MYT1L: variants seen among roughly 807,000 people sequenced by gnomAD.
The protein encoded by MYT1L is myelin transcription factor 1 like.
MYT1L carries 12 observed loss-of-function variants against 126.7 expected under a neutral mutation model. The ratio of observed to expected loss-of-function variants is 0.09; its 90% CI spans 0.06 to 0.15. The LOEUF is 0.15. Ranked by LOEUF, MYT1L falls within the 10% of genes least tolerant of loss-of-function variation. The pLI, the probability that MYT1L is intolerant of heterozygous loss-of-function variation, is 1.00. For missense variants in MYT1L, 979 were observed against 1,585.2 expected (o/e 0.62, Z 6.49); for synonymous variants, 541 against 604.2 (o/e 0.90, Z 1.53).
At chr2:2,232,098 A>G (rs1314596736) in intron 2 of MYT1L, among the ~76,000 whole-genome samples, 1 of 152,252 alleles carries the variant, frequency 6.6e-6, no homozygotes, top group East Asian at 1.9e-4. Context: ...CACAATGAGA[A>G]ATAGGCAAGA....
At chr2:1,876,900 C>T (rs2046980690) in intron 18 of MYT1L, among the ~76,000 whole-genome samples, 2 of 152,202 alleles carry the variant, frequency 1.3e-5, no homozygotes, top group African/African-American at 4.8e-5. Flanking sequence ...TCCGCCGTCT[C>T]CCCAAATGTC....
At chr2:1,898,245 G>C (rs971376589) in intron 14 of MYT1L, among the ~76,000 whole-genome samples, 31 of 152,164 alleles carry the variant, frequency 2.0e-4, no homozygotes, top group African/African-American at 7.0e-4. Flanking sequence ...GTCCATCATG[G>C]AGATGTCTCC....
chr2:1,890,765 A>G (rs1159298583), intron 15 of MYT1L, among the ~76,000 whole-genome samples: 5 of 152,202 alleles, frequency 3.3e-5, no homozygotes, highest in Non-Finnish European at 7.3e-5. Flanking sequence ...TCAAGGGTCT[A>G]GCAGCTCTCT....
Position 1,813,181 on chromosome 2 carries a change from G to C in MYT1L, c.3081-4014C>G, listed in dbSNP as rs75668294. Among the ~76,000 whole-genome samples, 21 of 152,336 alleles carry C rather than the reference G, an allele frequency of 1.4e-4. No individual in the cohort carries two copies. In the South Asian group the frequency reaches 2.5e-3, roughly 18 times the overall value. On this transcript the variant is annotated intron_variant, in intron 21 of 24. Coordinates refer to ENST00000647738, the MANE Select transcript of MYT1L (RefSeq NM_001303052.2). ...TTGAGGGGCCAGGAGCTGCAGGTGG[G>C]GGGGAGAGAGGGAGGGCCACAAAGG...
chr2:1,879,413 C>A (rs1310434128), intron 18 of MYT1L, among the ~76,000 whole-genome samples: 1 of 152,056 alleles, frequency 6.6e-6, no homozygotes, highest in Non-Finnish European at 1.5e-5. Context: ...TTCTTGCTGC[C>A]CAGAGTCAGA....
At chr2:2,053,871 C>G (rs1436490975) in intron 4 of MYT1L, 107 bp downstream of exon 4, 1 of 152,624 alleles carries the variant, frequency 6.6e-6, no homozygotes, top group African/African-American at 2.4e-5. Context: ...GCTTCATTCA[C>G]AAACCTATAT....
At chr2:1,859,309 C>G (rs1450182982) in intron 18 of MYT1L, among the ~76,000 whole-genome samples, 1 of 152,158 alleles carries the variant, frequency 6.6e-6, no homozygotes, top group Non-Finnish European at 1.5e-5. Context: ...TCTTTTGGTT[C>G]CCAGCACTTT....
At chr2:1,900,623 T>A (rs1434184904) in intron 14 of MYT1L, among the ~76,000 whole-genome samples, 5 of 152,308 alleles carry the variant, frequency 3.3e-5, no homozygotes, top group African/African-American at 1.2e-4. Context: ...ATCTGTCAGA[T>A]GAGTCTAGTG....
intron 1 of MYT1L, among the ~76,000 whole-genome samples, chr2:2,299,785 C>T (rs2095755455): frequency 6.6e-6 from 1 of 152,134 alleles, no homozygotes; most frequent in African/African-American, 2.4e-5. Flanking sequence ...GAGTTTTATC[C>T]AAAATGATTG....
Position 1,887,457 on chromosome 2 carries a change from G to T in MYT1L, c.2642+31C>A, listed in dbSNP as rs1386603737. On this transcript the variant is annotated intron_variant, in intron 17 of 24. Coordinates refer to ENST00000647738, the MANE Select transcript of MYT1L (RefSeq NM_001303052.2). This position sits in a 1 kb window ranked among gnomAD's most constrained non-coding sequence, Gnocchi z 4.8. Reference sequence around the variant, plus strand: ...AGCCAAAGAATGGGAAGATTAAGAAGATTCATAATTTCACCTCACAGCATG... The same window carrying T: ...AGCCAAAGAATGGGAAGATTAAGAATATTCATAATTTCACCTCACAGCATG... The T allele has an allele frequency of 6.2e-7, 1 of 1,613,480 alleles. No individual in the cohort carries two copies.
intron 1 of MYT1L, among the ~76,000 whole-genome samples, chr2:2,290,272 G>T (rs1309105995): frequency 6.6e-6 from 1 of 152,188 alleles, no homozygotes; most frequent in Admixed American, 6.5e-5. Flanking sequence ...GAGGGAGCTG[G>T]GGAAGGCCCA....
intron 2 of MYT1L, among the ~76,000 whole-genome samples, chr2:2,265,971 T>C (rs2149313122): frequency 6.6e-6 from 1 of 152,180 alleles, no homozygotes; most frequent in South Asian, 2.1e-4. Flanking sequence ...GGAGGTGGCT[T>C]AGCCTCCCAT....
intron 12 of MYT1L, 22 bp downstream of exon 12, chr2:1,911,998 C>T (rs1264267017): frequency 3.2e-6 from 5 of 1,562,072 alleles, no homozygotes; most frequent in Middle Eastern, 1.7e-4. Flanking sequence ...CCTCCCACAC[C>T]AGTGACCCAC....
At chr2:2,119,009 T>C (rs1418889639) in intron 3 of MYT1L, among the ~76,000 whole-genome samples, 1 of 152,262 alleles carries the variant, frequency 6.6e-6, no homozygotes, top group African/African-American at 2.4e-5. Context: ...CCATATTCAT[T>C]AGGTTAAATA....
At chr2:2,284,377 G>A (rs576233380) in intron 2 of MYT1L, 27 bp downstream of exon 2, 1 of 152,132 alleles carries the variant, frequency 6.6e-6, no homozygotes, top group African/African-American at 2.4e-5. Context: ...CTAATACAAC[G>A]GTAAGGTCCC....
chr2:2,245,619 G>A (rs1382858264), intron 2 of MYT1L, among the ~76,000 whole-genome samples: 1 of 151,742 alleles, frequency 6.6e-6, no homozygotes, highest in Non-Finnish European at 1.5e-5. Flanking sequence ...CAGGAATGGA[G>A]GCTCAAGGAG....
intron 4 of MYT1L, among the ~76,000 whole-genome samples, chr2:2,019,401 T>G (rs2064797036): frequency 6.6e-6 from 1 of 152,210 alleles, no homozygotes; most frequent in African/African-American, 2.4e-5. Flanking sequence ...TTAAACCTCT[T>G]TCCCTCATAA....
chr2:1,979,642 G>T lies in MYT1L; in HGVS notation c.55+81C>A. On this transcript the variant is annotated intron_variant, in intron 6 of 24. Coordinates refer to ENST00000647738, the MANE Select transcript of MYT1L (RefSeq NM_001303052.2). This position sits in a 1 kb window ranked among gnomAD's most constrained non-coding sequence, Gnocchi z 4.0. ...AAATTACCAAAAGGGTGGCATGAAA[G>T]TGGGGTCAGAATCGACCTCAGTTCC... The T allele has an allele frequency of 6.2e-7, 1 of 1,602,640 alleles. No homozygotes were observed. The highest frequency in any genetic ancestry group is 8.5e-7 in the Non-Finnish European group (1 of 1,169,768).
chr2:2,288,381 G>A (rs1207914383), intron 1 of MYT1L, among the ~76,000 whole-genome samples: 1 of 152,192 alleles, frequency 6.6e-6, no homozygotes, highest in Non-Finnish European at 1.5e-5. Flanking sequence ...ATCATCATAT[G>A]CCTAGACAGA....
Sources: allele counts gnomAD v4.1 joint callset (sites outside exome capture counted in the v4.1 genomes callset), GRCh38; gene constraint gnomAD v4.1.1; non-coding constraint Gnocchi (gnomAD v3.1); transcripts MANE v1.5; gene names NCBI Gene and HGNC (gene_info 2026-07-23, HGNC 2026-07-21).